Variants in TOR1AIP1 observed in about 807,000 individuals in gnomAD.
TOR1AIP1 encodes torsin-1A-interacting protein 1.
Under a neutral mutation model 63.3 loss-of-function variants are expected in TOR1AIP1, and 54 were observed. The observed-to-expected ratio is 0.85, with a 90% CI of 0.69 to 1.07. The LOEUF (loss-of-function observed/expected upper bound fraction) is 1.07, where lower values mean the gene tolerates loss of function less well. Ranked by LOEUF, TOR1AIP1 falls within the 50% of genes least tolerant of loss-of-function variation. The pLI is 0.00. For missense variants in TOR1AIP1, 736 were observed against 715.0 expected (o/e 1.03, Z -0.33); for synonymous variants, 294 against 273.5 (o/e 1.07, Z -0.74).
At chr1:179,907,913 C>CTTTTTTTTTTTT (rs34218138) in intron 7 of TOR1AIP1, 49 bp downstream of exon 7, 24 of 356,748 alleles carry the variant, frequency 6.7e-5, no homozygotes, top group Middle Eastern at 1.1e-3. Flanking sequence ...ATTCTTTTCT[C>CTTTTTTTTTTTT]TTTTTTTTTT....
In TOR1AIP1 at chr1:179,917,139, T is replaced by A. The variant is rs183933961; in HGVS notation, c.965-313T>A. Among the ~76,000 whole-genome samples, 298 of 152,346 alleles carry A rather than the reference T, an allele frequency of 2.0e-3. 1 individual carries two copies. Among genetic ancestry groups the A allele is most frequent in the African/African-American group, 7.0e-3 (292 of 41,588 alleles). On this transcript the variant is annotated intron_variant, in intron 9 of 9. Transcript: ENST00000606911. ...AACTATTAGCAGTGAAAATAATAAC[T>A]TCGCTTTATAAACTATTATTTTTCT... is the stretch of plus-strand genomic sequence containing the variant.
At chr1:179,886,798 G>C (rs1647921995) in intron 2 of TOR1AIP1, among the ~76,000 whole-genome samples, 1 of 152,130 alleles carries the variant, frequency 6.6e-6, no homozygotes, top group Admixed American at 6.5e-5. Flanking sequence ...GAGATACTCA[G>C]GGTTTTCTTC....
intron 5 of TOR1AIP1, 34 bp from the exon 6 acceptor site, chr1:179,903,932 T>G (rs371991611): frequency 7.1e-7 from 1 of 1,415,500 alleles, no homozygotes; most frequent in Non-Finnish European, 9.8e-7. Flanking sequence ...AAAAGTTGGA[T>G]ATTATTTATA....
In TOR1AIP1 at chr1:179,907,879, G is replaced by A; in HGVS notation, c.838+15G>A. The A allele has an allele frequency of 1.4e-6, 2 of 1,440,730 alleles. No homozygotes were observed. The highest frequency in any genetic ancestry group is 1.9e-6 in the Non-Finnish European group (2 of 1,062,282). 89.2% of individuals were successfully genotyped at this position (1,440,730 alleles called of 1,614,324 possible). A position where few individuals can be genotyped will look rare whatever the true frequency, so the allele number is the denominator to read the frequency against. ...TTCAGTGCTAAGTAAGTAGTTGGTTGTCTGCTCTTTTTTCAGCCAATCAAT... is the reference window on the plus strand; with the variant it reads ...TTCAGTGCTAAGTAAGTAGTTGGTTATCTGCTCTTTTTTCAGCCAATCAAT... On this transcript the variant is annotated intron_variant, in intron 7 of 9. Transcript: ENST00000606911.
chr1:179,917,933 G>A lies in TOR1AIP1; in HGVS notation c.1446G>A (p.Glu482=). Reference sequence around the variant, plus strand: ...ATGCAGCTGTGGTACACCGCTTTGAGTCATTTCCCGCAGGCTCTACTTTGA... The same window carrying A: ...ATGCAGCTGTGGTACACCGCTTTGAATCATTTCCCGCAGGCTCTACTTTGA... ...GQNAAVVHRF[E]SFPAGSTLIF... The change falls in exon 10 of 10, where the codon GAG becomes GAA. Residue 482 remains glutamate, a synonymous_variant. Coordinates refer to ENST00000606911, the MANE Select transcript of TOR1AIP1 (RefSeq NM_015602.4). 6.2e-7 allele frequency: 1 copy of A among 1,614,222 alleles called. No homozygotes were observed. Among genetic ancestry groups the A allele is most frequent in the Non-Finnish European group, 8.5e-7 (1 of 1,180,048 alleles).
chr1:179,906,155 A>G (rs1648627423), intron 6 of TOR1AIP1, among the ~76,000 whole-genome samples: 2 of 152,206 alleles, frequency 1.3e-5, no homozygotes, highest in East Asian at 1.9e-4. Flanking sequence ...TTTAAAAAGT[A>G]TGTCTTAGAA....
chr1:179,899,880 A>G (rs1426228641), intron 3 of TOR1AIP1, among the ~76,000 whole-genome samples: 13 of 152,166 alleles, frequency 8.5e-5, no homozygotes. Flanking sequence ...CCTGACCTCA[A>G]GTGATCCACC....
At chr1:179,898,688 G>T (rs1347886066) in intron 3 of TOR1AIP1, among the ~76,000 whole-genome samples, 1 of 151,996 alleles carries the variant, frequency 6.6e-6, no homozygotes, top group Non-Finnish European at 1.5e-5. Context: ...AGGAGTTTGA[G>T]ACCAGCCTGG....
rs1648834026 is a variant in TOR1AIP1, at chr1:179,911,658, C to T, written c.908-2340C>T. ...AAAAGAAGACAATTTGGAGTTAAAG[C>T]TCTTGAGCTCCAGTCCTAGCTCTTC... On this transcript the variant is annotated intron_variant, in intron 8 of 9. Coordinates refer to ENST00000606911, the MANE Select transcript of TOR1AIP1 (RefSeq NM_015602.4). Among the ~76,000 whole-genome samples the T allele has an allele frequency of 3.3e-5, 5 of 152,354 alleles. No homozygotes were observed. In the South Asian group the frequency reaches 1.0e-3, roughly 32 times the overall value.
intron 8 of TOR1AIP1, among the ~76,000 whole-genome samples, chr1:179,910,116 A>G (rs1648785024): frequency 6.6e-6 from 1 of 152,214 alleles, no homozygotes; most frequent in African/African-American, 2.4e-5. Flanking sequence ...GGAATACTAT[A>G]AATTGATGTG....
Position 179,915,977 on chromosome 1 carries a change from T to C in TOR1AIP1, c.965-1475T>C, listed in dbSNP as rs138864918. On this transcript the variant is annotated intron_variant, in intron 9 of 9. Coordinates refer to ENST00000606911, the MANE Select transcript of TOR1AIP1 (RefSeq NM_015602.4). ...ATTCATTTGCACAAAATTCTTTTCC[T>C]TGAGACAACCATGGTACTGTATGAT... is the stretch of plus-strand genomic sequence containing the variant. 3.4e-3 allele frequency among the ~76,000 whole-genome samples: 522 copies of C among 152,324 alleles called. 6 individuals are homozygous for C. In the East Asian group the frequency reaches 0.047, roughly 14 times the overall value.
At chr1:179,911,183 C>T (rs1571736938) in intron 8 of TOR1AIP1, among the ~76,000 whole-genome samples, 1 of 152,066 alleles carries the variant, frequency 6.6e-6, no homozygotes, top group East Asian at 1.9e-4. Flanking sequence ...TAAGATAGAA[C>T]GATGAGCAAG....
chr1:179,912,143 C>T (rs1648865282), intron 8 of TOR1AIP1, among the ~76,000 whole-genome samples: 1 of 151,530 alleles, frequency 6.6e-6, no homozygotes, highest in African/African-American at 2.4e-5. Context: ...TCATTCATGC[C>T]TCAGCTTCCC....
intron 5 of TOR1AIP1, 33 bp downstream of exon 5, chr1:179,901,421 C>A: frequency 7.5e-7 from 1 of 1,332,816 alleles, no homozygotes; most frequent in South Asian, 1.6e-5. Flanking sequence ...TGACTCTTCT[C>A]ATAGAACTAT....
intron 3 of TOR1AIP1, among the ~76,000 whole-genome samples, chr1:179,898,835 A>G (rs964389523): frequency 5.9e-5 from 9 of 152,094 alleles, no homozygotes; most frequent in African/African-American, 2.2e-4. Flanking sequence ...GCAAAATAGT[A>G]CTTAATACAC....
rs372975180 is a variant in TOR1AIP1, at chr1:179,906,768, C to T, written c.797-1055C>T. On this transcript the variant is annotated intron_variant, in intron 6 of 9. Coordinates refer to ENST00000606911, the MANE Select transcript of TOR1AIP1 (RefSeq NM_015602.4). ...CTTTTTTTTTTTTGAGACAGAGTCT[C>T]GCTCTGTCGCCCAGGCAGGAGTGCA... Among the ~76,000 whole-genome samples, 11 of 120,286 alleles carry T rather than the reference C, an allele frequency of 9.1e-5. No homozygotes were observed. The East Asian group carries it at 1.2e-3, about 13-fold the overall frequency. 78.9% of individuals were successfully genotyped at this position (120,286 alleles called of 152,430 possible). A position where few individuals can be genotyped will look rare whatever the true frequency, so the allele number is the denominator to read the frequency against.
chr1:179,915,363 G>A (rs1648960129), intron 9 of TOR1AIP1, among the ~76,000 whole-genome samples: 1 of 152,172 alleles, frequency 6.6e-6, no homozygotes, highest in East Asian at 1.9e-4. Flanking sequence ...GGAAAACATT[G>A]GTTCACTGAG....
At chr1:179,901,490 T>C (rs1293681432) in intron 5 of TOR1AIP1, 102 bp downstream of exon 5, 2 of 561,162 alleles carry the variant, frequency 3.6e-6, no homozygotes, top group Non-Finnish European at 5.8e-6. Context: ...ATTAATACTT[T>C]ATAAAAAGTC....
chr1:179,883,792 G>A, intron 1 of TOR1AIP1: 1 of 412,270 alleles, frequency 2.4e-6, no homozygotes, highest in South Asian at 1.7e-5. Flanking sequence ...AGTCATAGGT[G>A]AATCAGTTTC....
Sources: allele counts gnomAD v4.1 joint callset (sites outside exome capture counted in the v4.1 genomes callset), GRCh38; gene constraint gnomAD v4.1.1; transcripts MANE v1.5; gene names NCBI Gene and HGNC (gene_info 2026-07-23, HGNC 2026-07-21).